VSTM4: variants seen among roughly 807,000 people sequenced by gnomAD.
The protein encoded by VSTM4 is V-set and transmembrane domain-containing protein 4.
A neutral mutation model predicts 36.4 loss-of-function variants in VSTM4; 20 were observed. The observed-to-expected ratio is 0.55, with a 90% CI of 0.39 to 0.80. VSTM4 has a LOEUF of 0.80. Among genes scored for constraint, VSTM4 ranks in the 30% least tolerant of loss-of-function variants. VSTM4 has a pLI of 0.00. For missense variants in VSTM4, 392 were observed against 404.5 expected, an observed-to-expected ratio of 0.97 and a Z score of 0.26; for synonymous variants, 182 against 173.9, an observed-to-expected ratio of 1.05 and a Z score of -0.37.
intron 7 of VSTM4, among the ~76,000 whole-genome samples, chr10:49,026,530 C>T (rs1000519279): frequency 5.9e-5 from 9 of 152,312 alleles, no homozygotes; most frequent in Non-Finnish European, 1.2e-4. Context: ...TAAACCAAGG[C>T]TTTGGGAAGT....
chr10:49,114,440 G>A lies in VSTM4; in HGVS notation c.55+991C>T, dbSNP rs1844952136. 2.0e-5 allele frequency among the ~76,000 whole-genome samples: 3 copies of A among 152,316 alleles called. No individual in the cohort carries two copies. In the South Asian group the frequency reaches 6.2e-4, roughly 32 times the overall value. ...CAGAGCCCAGAGCCAGGCTAACTGG[G>A]TTCAAATCCCAGCTCCACCACTTAC... On this transcript the variant is annotated intron_variant, in intron 1 of 7. Transcript: ENST00000332853.
chr10:49,100,384 T>C (rs1341003507), intron 2 of VSTM4, among the ~76,000 whole-genome samples: 1 of 152,234 alleles, frequency 6.6e-6, no homozygotes, highest in African/African-American at 2.4e-5. Context: ...AATAATAAGT[T>C]AACTCATTAT....
At chr10:49,095,055 A>C (rs1350495216) in intron 2 of VSTM4, among the ~76,000 whole-genome samples, 1 of 152,104 alleles carries the variant, frequency 6.6e-6, no homozygotes, top group Non-Finnish European at 1.5e-5. Flanking sequence ...ATTCCAGCAA[A>C]CCAAGCAAAA....
chr10:49,112,365 C>T (rs1285809808), intron 1 of VSTM4, among the ~76,000 whole-genome samples: 2 of 152,348 alleles, frequency 1.3e-5, no homozygotes, highest in East Asian at 3.9e-4. Context: ...CGATGAGACA[C>T]AGAAGCAGTG....
intron 7 of VSTM4, among the ~76,000 whole-genome samples, chr10:49,025,756 G>A (rs184853481): frequency 6.6e-6 from 1 of 152,244 alleles, no homozygotes; most frequent in Non-Finnish European, 1.5e-5. Context: ...CGGCACACGG[G>A]CTAGCTGCAG....
chr10:49,103,486 T>C, intron 2 of VSTM4: 1 of 1,104,074 alleles, frequency 9.1e-7, no homozygotes, highest in Non-Finnish European at 1.1e-6. Flanking sequence ...TTTTTCCATG[T>C]TTTCTATAAT....
Position 49,048,467 on chromosome 10 carries a change from C to T in VSTM4, c.775+11G>A, listed in dbSNP as rs2131960298. The T allele has an allele frequency of 4.5e-6, 7 of 1,572,932 alleles. No homozygotes were observed. Among genetic ancestry groups the T allele is most frequent in the Non-Finnish European group, 5.1e-6 (6 of 1,165,886 alleles). ...AGTTTCCAGGTAAGAAACTGCAGGC[C>T]AGCTCCTTACCTTTGGCAGGGACTG... is the stretch of plus-strand genomic sequence containing the variant. On this transcript the variant is annotated intron_variant, in intron 6 of 7. Transcript: ENST00000332853.
intron 1 of VSTM4, among the ~76,000 whole-genome samples, chr10:49,114,207 A>C (rs145484058): frequency 1.3e-3 from 204 of 152,224 alleles, no homozygotes; most frequent in African/African-American, 4.5e-3. Flanking sequence ...GTTCACTGGG[A>C]ACCTGGCTGC....
chr10:49,109,330 G>C (rs1358654905), intron 1 of VSTM4, among the ~76,000 whole-genome samples: 1 of 152,216 alleles, frequency 6.6e-6, no homozygotes, highest in Non-Finnish European at 1.5e-5. Context: ...CAAGGAGGCT[G>C]TGGAGCAGCA....
chr10:49,106,944 C>T (rs960303172), intron 2 of VSTM4, among the ~76,000 whole-genome samples: 2 of 152,246 alleles, frequency 1.3e-5, no homozygotes, highest in East Asian at 3.8e-4. Context: ...AAAGCATTTA[C>T]TGCTTGTTCC....
intron 2 of VSTM4, among the ~76,000 whole-genome samples, chr10:49,089,031 G>T (rs1844425501): frequency 6.6e-6 from 1 of 152,240 alleles, no homozygotes. Context: ...TGAAATGTAT[G>T]CCTTTTAAAA....
At chr10:49,038,640 C>T (rs1843469679) in intron 7 of VSTM4, among the ~76,000 whole-genome samples, 1 of 152,148 alleles carries the variant, frequency 6.6e-6, no homozygotes, top group Non-Finnish European at 1.5e-5. Flanking sequence ...ATGGGAATGC[C>T]ATGGGCTAAG....
At chr10:49,053,711 C>T (rs1389810276) in intron 5 of VSTM4, among the ~76,000 whole-genome samples, 2 of 152,140 alleles carry the variant, frequency 1.3e-5, no homozygotes, top group Non-Finnish European at 1.5e-5. Context: ...TTGTTTCAGC[C>T]CAGTGAGTAG....
chr10:49,072,435 G>C (rs1373448570), intron 4 of VSTM4, among the ~76,000 whole-genome samples: 1 of 152,200 alleles, frequency 6.6e-6, no homozygotes, highest in Non-Finnish European at 1.5e-5. Flanking sequence ...TGATTGGGCA[G>C]TATCCCTTAA....
At chr10:49,050,008 T>C (rs1310622782) in intron 5 of VSTM4, among the ~76,000 whole-genome samples, 1 of 152,246 alleles carries the variant, frequency 6.6e-6, no homozygotes, top group Non-Finnish European at 1.5e-5. Flanking sequence ...AGATCAGTTA[T>C]TACAGCACTG....
At chr10:49,071,199 T>C (rs1242590445) in intron 4 of VSTM4, among the ~76,000 whole-genome samples, 2 of 152,204 alleles carry the variant, frequency 1.3e-5, no homozygotes, top group African/African-American at 2.4e-5. Context: ...CACTCCTCTT[T>C]CCTATCTAGT....
chr10:49,044,134 C>T (rs764096239), intron 7 of VSTM4, among the ~76,000 whole-genome samples: 2 of 152,134 alleles, frequency 1.3e-5, no homozygotes, highest in Non-Finnish European at 1.5e-5. Flanking sequence ...TCGAAACCAA[C>T]CTGGACAGCA....
At chr10:49,022,669 T>G (rs1843200196) in intron 7 of VSTM4, among the ~76,000 whole-genome samples, 1 of 152,166 alleles carries the variant, frequency 6.6e-6, no homozygotes, top group African/African-American at 2.4e-5. Flanking sequence ...CTGTTTACAT[T>G]CTCGCTTTTC....
At chr10:49,064,852 C>CTG in intron 4 of VSTM4, 116 bp from the exon 5 acceptor site, 1 of 1,041,852 alleles carries the variant, frequency 9.6e-7, no homozygotes, top group Non-Finnish European at 1.4e-6. Flanking sequence ...GGTGCTATAC[C>CTG]ACCCAACTCT....
Sources: allele counts gnomAD v4.1 joint callset (sites outside exome capture counted in the v4.1 genomes callset), GRCh38; gene constraint gnomAD v4.1.1; transcripts MANE v1.5; gene names NCBI Gene and HGNC (gene_info 2026-07-23, HGNC 2026-07-21).